NHEJ1: variants seen among roughly 807,000 people sequenced by gnomAD.
NHEJ1 encodes the protein non-homologous end-joining factor 1.
A neutral mutation model predicts 39.4 loss-of-function variants in NHEJ1; 22 were observed. That is an observed-to-expected ratio of 0.56 (90% confidence interval 0.40 to 0.80). NHEJ1 has a LOEUF of 0.80. Ranked by LOEUF, NHEJ1 falls within the 30% of genes least tolerant of loss-of-function variation. NHEJ1 has a pLI of 0.00. For missense variants in NHEJ1, 329 were observed against 357.1 expected, an observed-to-expected ratio of 0.92 and a Z score of 0.63; for synonymous variants, 154 against 135.6, an observed-to-expected ratio of 1.14 and a Z score of -0.94.
chr2:219,099,823 A>G (rs1367955524), intron 5 of NHEJ1, among the ~76,000 whole-genome samples: 1 of 152,096 alleles, frequency 6.6e-6, no homozygotes, highest in East Asian at 1.9e-4. Flanking sequence ...AAGAAGGAGA[A>G]AGTAATGCTC....
intron 5 of NHEJ1, among the ~76,000 whole-genome samples, chr2:219,090,119 G>A (rs1200801845): frequency 2.6e-5 from 4 of 152,216 alleles, no homozygotes; most frequent in Non-Finnish European, 4.4e-5. Flanking sequence ...AATGAGGGCT[G>A]TCCAAGGATT....
intron 5 of NHEJ1, among the ~76,000 whole-genome samples, chr2:219,137,302 T>A (rs1052104578): frequency 3.3e-5 from 5 of 152,098 alleles, no homozygotes; most frequent in Admixed American, 3.3e-4. Context: ...ACCCCACCCA[T>A]GATCTTCCTA....
intron 5 of NHEJ1, among the ~76,000 whole-genome samples, chr2:219,088,020 C>T (rs114752456): frequency 0.019 from 2,946 of 152,060 alleles, 108 homozygotes; most frequent in African/African-American, 0.067. Flanking sequence ...AAACCACAAC[C>T]GGATATCTCT....
At chr2:219,084,448 G>A (rs1949094520) in intron 5 of NHEJ1, among the ~76,000 whole-genome samples, 1 of 152,078 alleles carries the variant, frequency 6.6e-6, no homozygotes, top group Non-Finnish European at 1.5e-5. Context: ...TCCAGATCAG[G>A]GAGACACAGA....
At chr2:219,107,062 T>C (rs60859947) in intron 5 of NHEJ1, among the ~76,000 whole-genome samples, 2,477 of 152,268 alleles carry the variant, frequency 0.016, 69 homozygotes, top group African/African-American at 0.056. Context: ...ATAGAAGATA[T>C]GGTGTCCTGC....
chr2:219,117,372 T>C (rs1275571995), intron 5 of NHEJ1, among the ~76,000 whole-genome samples: 1 of 152,162 alleles, frequency 6.6e-6, no homozygotes, highest in African/African-American at 2.4e-5. Flanking sequence ...AAGCCAGGGA[T>C]GAAGGCCTCT....
In NHEJ1 at chr2:219,074,993, G is replaced by A. The variant is rs926005020; in HGVS notation, c.*1388C>T. On this transcript the variant is annotated 3_prime_UTR_variant, in exon 8 of 8. Coordinates refer to ENST00000356853, the MANE Select transcript of NHEJ1 (RefSeq NM_024782.3). ...GCTCCTTCCTTGAAGAGCCCCTGGG[G>A]AGCAGACATCCTATTGAAAAGAGGC... Among the ~76,000 whole-genome samples, 3 of 152,160 alleles carry A rather than the reference G, an allele frequency of 2.0e-5. No homozygotes were observed.
rs188021446 is a variant in NHEJ1 at position 219,074,589 on chromosome 2, C to T, written c.*1792G>A. On this transcript the variant is annotated 3_prime_UTR_variant, in exon 8 of 8. Coordinates refer to ENST00000356853, the MANE Select transcript of NHEJ1 (RefSeq NM_024782.3). ...TGAAACCCTGTCTCTACAAAAAATA[C>T]AAAAATTAGCCGGGCTTGGTGGCAG... Among the ~76,000 whole-genome samples the T allele has an allele frequency of 2.8e-4, 43 of 152,014 alleles. No homozygotes were observed. Among genetic ancestry groups the T allele is most frequent in the Admixed American group, 1.4e-3 (21 of 15,252 alleles).
intron 1 of NHEJ1, among the ~76,000 whole-genome samples, chr2:219,159,566 T>TATATATATATGCATATATATATATGC (rs1559206300): frequency 6.2e-4 from 11 of 17,676 alleles, no homozygotes; most frequent in Middle Eastern, 0.056. Context: ...TATATATGCA[T>TATATATATATGCATATATATATATGC]ATATATATGC....
rs1328731675 is a variant in NHEJ1, at chr2:219,148,818, T to C, written c.391-1023A>G. Among the ~76,000 whole-genome samples, 3 of 151,808 alleles carry C rather than the reference T, an allele frequency of 2.0e-5. No homozygotes were observed. The South Asian group carries it at 6.2e-4, about 32-fold the overall frequency. ...GCATAGTCTAAGGTTATTGTTATAA[T>C]AGAAGCAAGCCAGCTACCAAGAACT... is the stretch of plus-strand genomic sequence containing the variant. On this transcript the variant is annotated intron_variant, in intron 3 of 7. Coordinates refer to ENST00000356853, the MANE Select transcript of NHEJ1 (RefSeq NM_024782.3).
intron 5 of NHEJ1, among the ~76,000 whole-genome samples, chr2:219,126,112 T>C (rs1949512029): frequency 6.6e-6 from 1 of 152,254 alleles, no homozygotes. Flanking sequence ...TATTCCACTT[T>C]GGGACTTTGC....
chr2:219,104,058 T>G (rs974551619), intron 5 of NHEJ1, among the ~76,000 whole-genome samples: 3 of 150,858 alleles, frequency 2.0e-5, no homozygotes, highest in East Asian at 1.9e-4. Context: ...TCTGGTTTTG[T>G]TTTTTTTTGT....
chr2:219,092,831 G>A (rs1273186519), intron 5 of NHEJ1, among the ~76,000 whole-genome samples: 1 of 152,170 alleles, frequency 6.6e-6, no homozygotes, highest in Non-Finnish European at 1.5e-5. Context: ...TTGGCTGTGG[G>A]GGGCAGAGAT....
intron 5 of NHEJ1, among the ~76,000 whole-genome samples, chr2:219,145,926 C>T (rs1403628261): frequency 6.8e-6 from 1 of 146,050 alleles, no homozygotes; most frequent in Non-Finnish European, 1.5e-5. Flanking sequence ...GAGTGAAACT[C>T]CATCTCAAAA....
At chr2:219,122,159 C>A (rs1420883227) in intron 5 of NHEJ1, among the ~76,000 whole-genome samples, 1 of 152,130 alleles carries the variant, frequency 6.6e-6, no homozygotes, top group African/African-American at 2.4e-5. Flanking sequence ...AAGTAGGGAG[C>A]CCAGGAGGGT....
intron 3 of NHEJ1, among the ~76,000 whole-genome samples, chr2:219,150,254 T>C (rs1463037778): frequency 1.3e-5 from 2 of 152,204 alleles, no homozygotes; most frequent in Non-Finnish European, 1.5e-5. Context: ...GAAAGGAAGT[T>C]AGTGGCGGCA....
chr2:219,081,450 A>C (rs1032910907), intron 5 of NHEJ1, among the ~76,000 whole-genome samples: 8 of 152,334 alleles, frequency 5.3e-5, no homozygotes, highest in African/African-American at 1.7e-4. Context: ...GGGGAGGGAA[A>C]GAAGAGTCAG....
rs748614403 is a variant in NHEJ1, at chr2:219,078,243, G to T, written c.589-37C>A. 6 of 1,543,514 alleles carry T rather than the reference G, an allele frequency of 3.9e-6. No homozygotes were observed. The African/African-American group carries it at 8.2e-5, about 21-fold the overall frequency. ...AGGAGATACTGTCATTGGTTACACTGTATTGCTAGAGAAGCGATCTAATAC... is the reference window on the plus strand; with the variant it reads ...AGGAGATACTGTCATTGGTTACACTTTATTGCTAGAGAAGCGATCTAATAC... On this transcript the variant is annotated intron_variant, in intron 5 of 7. Coordinates refer to ENST00000356853, the MANE Select transcript of NHEJ1 (RefSeq NM_024782.3).
intron 1 of NHEJ1, among the ~76,000 whole-genome samples, chr2:219,160,147 G>C (rs1344757260): frequency 6.6e-6 from 1 of 152,176 alleles, no homozygotes; most frequent in African/African-American, 2.4e-5. Context: ...GTGGAGGGGC[G>C]CTGAGCGGCA....
Sources: allele counts gnomAD v4.1 joint callset (sites outside exome capture counted in the v4.1 genomes callset), GRCh38; gene constraint gnomAD v4.1.1; transcripts MANE v1.5; gene names NCBI Gene and HGNC (gene_info 2026-07-23, HGNC 2026-07-21).